The following SPECC1 variants were observed in gnomAD, a reference collection of about 807,000 sequenced individuals.
The protein encoded by SPECC1 is sperm antigen with calponin homology and coiled-coil domains 1.
A neutral mutation model predicts 104.1 loss-of-function variants in SPECC1; 62 were observed. The ratio of observed to expected loss-of-function variants is 0.60; its 90% CI spans 0.49 to 0.74. The LOEUF (loss-of-function observed/expected upper bound fraction) is 0.74, where lower values mean the gene tolerates loss of function less well. Ranked by LOEUF, SPECC1 falls within the 30% of genes least tolerant of loss-of-function variation. The pLI is 0.00. For missense variants in SPECC1, 1,306 were observed against 1,310.5 expected, an observed-to-expected ratio of 1.00 and a Z score of 0.05; for synonymous variants, 513 against 501.6, an observed-to-expected ratio of 1.02 and a Z score of -0.30.
rs562414913 is a variant in SPECC1, at chr17:20,243,676, TAG to T, written c.2352-2249_2352-2248del. On this transcript the variant is annotated intron_variant, in intron 7 of 14. Coordinates refer to ENST00000395527, the MANE Select transcript of SPECC1 (RefSeq NM_001243439.2). The stretch of plus-strand genomic sequence containing the variant: ...TCTTATTGTTCTGGCCAAGTAGACT[TAG>T]TGTTTGAAATACCATCTTTGGATAC... Among the ~76,000 whole-genome samples, 386 of 152,262 alleles carry T rather than the reference TAG, an allele frequency of 2.5e-3. 3 individuals carry two copies. Among genetic ancestry groups the T allele is most frequent in the African/African-American group, 8.6e-3 (357 of 41,556 alleles).
chr17:20,039,192 T>G (rs1567807173), intron 1 of SPECC1, among the ~76,000 whole-genome samples: 1 of 152,236 alleles, frequency 6.6e-6, no homozygotes, highest in Non-Finnish European at 1.5e-5. Context: ...TCTAAGGATA[T>G]GTTCAGTGAA....
At chr17:20,169,063 G>A (rs2033885650) in intron 3 of SPECC1, among the ~76,000 whole-genome samples, 1 of 152,108 alleles carries the variant, frequency 6.6e-6, no homozygotes, top group South Asian at 2.1e-4. Context: ...TGTAGAGACG[G>A]GGTTTCACTA....
chr17:20,293,640 A>C (rs1303260208), intron 12 of SPECC1, among the ~76,000 whole-genome samples: 1 of 152,144 alleles, frequency 6.6e-6, no homozygotes, highest in Non-Finnish European at 1.5e-5. Context: ...GGCTGTGGGG[A>C]GAGTGCAGGA....
chr17:20,166,984 G>C (rs984931204), intron 3 of SPECC1, among the ~76,000 whole-genome samples: 6 of 151,924 alleles, frequency 3.9e-5, no homozygotes, highest in African/African-American at 1.5e-4. Flanking sequence ...TGGTGGCACT[G>C]CTTGTAGTCC....
intron 7 of SPECC1, 30 bp from the exon 8 acceptor site, chr17:20,245,896 T>G: frequency 6.2e-7 from 1 of 1,611,514 alleles, no homozygotes; most frequent in African/African-American, 1.3e-5. Context: ...TCCTCCATCT[T>G]TTCAATCTGA....
intron 1 of SPECC1, among the ~76,000 whole-genome samples, chr17:20,056,012 G>A (rs2045951090): frequency 6.6e-6 from 1 of 152,220 alleles, no homozygotes; most frequent in African/African-American, 2.4e-5. Context: ...AACCAATGAT[G>A]TGTCTGGGAT....
intron 5 of SPECC1, 97 bp downstream of exon 5, chr17:20,227,717 C>T (rs1392814591): frequency 1.8e-6 from 2 of 1,101,880 alleles, no homozygotes; most frequent in African/African-American, 3.2e-5. Context: ...AAGTTCGAGA[C>T]CCAGCCTGAC....
chr17:20,164,547 C>T (rs2033475922), intron 3 of SPECC1, among the ~76,000 whole-genome samples: 1 of 152,096 alleles, frequency 6.6e-6, no homozygotes, highest in Non-Finnish European at 1.5e-5. Context: ...GGGATTCTTA[C>T]CCTACCCAGA....
At chr17:20,146,925 A>G (rs2152564255) in intron 3 of SPECC1, among the ~76,000 whole-genome samples, 1 of 152,106 alleles carries the variant, frequency 6.6e-6, no homozygotes, top group South Asian at 2.1e-4. Flanking sequence ...AAACAAAACA[A>G]AACTGACAAA....
chr17:20,299,291 T>G (rs1474861121), intron 13 of SPECC1, among the ~76,000 whole-genome samples: 2 of 151,966 alleles, frequency 1.3e-5, no homozygotes, highest in Non-Finnish European at 2.9e-5. Flanking sequence ...TGGGGGCTCA[T>G]ACTTGTAATC....
chr17:20,054,648 C>A (rs1289832760), intron 1 of SPECC1, among the ~76,000 whole-genome samples: 1 of 152,010 alleles, frequency 6.6e-6, no homozygotes, highest in Non-Finnish European at 1.5e-5. Context: ...CGTATCTGAT[C>A]TTTTAAAATG....
chr17:20,058,717 G>C (rs563315303), intron 1 of SPECC1, among the ~76,000 whole-genome samples: 1 of 151,934 alleles, frequency 6.6e-6, no homozygotes, highest in African/African-American at 2.4e-5. Context: ...TTAGATTAGC[G>C]GTCCCCAACC....
intron 13 of SPECC1, among the ~76,000 whole-genome samples, chr17:20,300,112 A>C (rs2041518617): frequency 6.6e-6 from 1 of 152,218 alleles, no homozygotes; most frequent in African/African-American, 2.4e-5. Context: ...GCACAAATGG[A>C]ATTTAAAGCC....
At chr17:20,045,990 A>G (rs2045524745) in intron 1 of SPECC1, among the ~76,000 whole-genome samples, 1 of 149,878 alleles carries the variant, frequency 6.7e-6, no homozygotes, top group Admixed American at 6.8e-5. Flanking sequence ...CTTGAGAAAG[A>G]AATCTTTTGG....
intron 1 of SPECC1, among the ~76,000 whole-genome samples, chr17:20,083,326 A>G (rs2047054875): frequency 6.6e-6 from 1 of 152,200 alleles, no homozygotes; most frequent in Non-Finnish European, 1.5e-5. Context: ...TGGCATATAC[A>G]GTCATACAAG....
intron 3 of SPECC1, among the ~76,000 whole-genome samples, chr17:20,160,857 A>G (rs1043527848): frequency 6.6e-6 from 1 of 152,202 alleles, no homozygotes; most frequent in Non-Finnish European, 1.5e-5. Context: ...TTTCCCTGCT[A>G]TATATTCTCC....
At chr17:20,243,697 T>C (rs577922776) in intron 7 of SPECC1, among the ~76,000 whole-genome samples, 19 of 152,330 alleles carry the variant, frequency 1.2e-4, no homozygotes, top group African/African-American at 3.8e-4. Flanking sequence ...ATACCATCTT[T>C]GGATACCTGA....
At chr17:20,110,653 C>T (rs2048443465) in intron 3 of SPECC1, 91 bp downstream of exon 3, 2 of 1,368,522 alleles carry the variant, frequency 1.5e-6, no homozygotes, top group South Asian at 3.3e-5. Context: ...CATTCCTTCC[C>T]TCGTGAAATA....
In SPECC1 at chr17:20,019,274, G is replaced by A. The variant is rs1422179090; in HGVS notation, c.-22+9850G>A. 2.0e-5 allele frequency among the ~76,000 whole-genome samples: 3 copies of A among 150,516 alleles called. No homozygotes were observed. The East Asian group carries it at 5.9e-4, about 29-fold the overall frequency. ...TTTATTTATTTATTTATTTTAAAAA[G>A]CAGTCTTAGGCCTGCTGTGTTAACT... On this transcript the variant is annotated intron_variant, in intron 1 of 14. Coordinates refer to ENST00000395527, the MANE Select transcript of SPECC1 (RefSeq NM_001243439.2).
Sources: allele counts gnomAD v4.1 joint callset (sites outside exome capture counted in the v4.1 genomes callset), GRCh38; gene constraint gnomAD v4.1.1; transcripts MANE v1.5; gene names NCBI Gene and HGNC (gene_info 2026-07-23, HGNC 2026-07-21).